Variants in CFAP47 observed in about 807,000 individuals in gnomAD.
CFAP47 encodes cilia and flagella associated protein 47, also known as cilia- and flagella-associated protein 47.
A neutral mutation model predicts 148.1 loss-of-function variants in CFAP47; 29 were observed. That is an observed-to-expected ratio of 0.20 (90% CI 0.15 to 0.27). The LOEUF is 0.27. Ranked by LOEUF, CFAP47 falls within the 10% of genes least tolerant of loss-of-function variation. CFAP47 has a pLI of 1.00. For synonymous variants in CFAP47, 664 were observed against 577.3 expected (o/e 1.15, Z -2.15); for missense variants, 1,872 against 1,697.5 (o/e 1.10, Z -1.81).
rs782484719 is a variant in CFAP47 at position 36,215,714 on chromosome X, C to T, written c.6817+10604C>T. On this transcript the variant is annotated intron_variant, in intron 45 of 63. Transcript: ENST00000378653. ...AATAGTCACAAACCTTTTGGAAGGCCGAAAGGTTACATAGCTTGTAATAAT... is the reference window on the plus strand; with the variant it reads ...AATAGTCACAAACCTTTTGGAAGGCTGAAAGGTTACATAGCTTGTAATAAT... 1.5e-4 allele frequency among the ~76,000 whole-genome samples: 17 copies of T among 111,423 alleles called. No individual in the cohort carries two copies. The East Asian group carries it at 2.9e-3, about 19-fold the overall frequency.
chrX:36,069,288 G>T (rs972858427), intron 27 of CFAP47, among the ~76,000 whole-genome samples: 2 of 111,148 alleles, frequency 1.8e-5, no homozygotes, highest in African/African-American at 3.3e-5. Flanking sequence ...GGAAATTATT[G>T]TTATGAATAA....
At chrX:35,936,936 T>C (rs1304169524) in intron 2 of CFAP47, among the ~76,000 whole-genome samples, 1 of 107,940 alleles carries the variant, frequency 9.3e-6, no homozygotes, top group African/African-American at 3.4e-5. Context: ...TCTGAGCAGA[T>C]AGAAAAATCT....
chrX:36,208,674 A>G (rs983085896), intron 45 of CFAP47, among the ~76,000 whole-genome samples: 1 of 112,046 alleles, frequency 8.9e-6, no homozygotes. Flanking sequence ...AATCCTTAAA[A>G]CATAAAATAG....
At position 36,297,942 on chromosome X, in the gene CFAP47, G is replaced by T. The variant is rs1276756524; in HGVS notation, c.7687-1035G>T. 2.2e-4 allele frequency among the ~76,000 whole-genome samples: 24 copies of T among 110,572 alleles called. 1 individual carries two copies. The Admixed American group carries it at 2.3e-3, about 11-fold the overall frequency. On this transcript the variant is annotated intron_variant, in intron 51 of 63. Transcript: ENST00000378653. Reference sequence around the variant, plus strand: ...GTCGGGGAGAGGTGGATAAAAATCTGTCTTTTACACTGTTGGTGGGACTGT... The same window carrying T: ...GTCGGGGAGAGGTGGATAAAAATCTTTCTTTTACACTGTTGGTGGGACTGT...
At chrX:36,207,042 A>G (rs1025700966) in intron 45 of CFAP47, among the ~76,000 whole-genome samples, 3 of 111,938 alleles carry the variant, frequency 2.7e-5, no homozygotes, top group Non-Finnish European at 5.6e-5. Flanking sequence ...CAAAAATAGG[A>G]TATTATAACT....
intron 26 of CFAP47, among the ~76,000 whole-genome samples, chrX:36,052,397 A>G (rs1346263449): frequency 8.9e-6 from 1 of 112,305 alleles, no homozygotes; most frequent in African/African-American, 3.2e-5. Flanking sequence ...AAACAGGTAC[A>G]ATAAAATTTT....
At chrX:35,983,764 T>G (rs758679708) in intron 15 of CFAP47, among the ~76,000 whole-genome samples, 19 of 111,978 alleles carry the variant, frequency 1.7e-4, no homozygotes, top group Admixed American at 4.7e-4. Flanking sequence ...TGGATCACAT[T>G]TATTGATTTG....
intron 45 of CFAP47, among the ~76,000 whole-genome samples, chrX:36,223,551 A>G (rs1443578521): frequency 1.8e-5 from 2 of 111,495 alleles, no homozygotes; most frequent in Admixed American, 9.6e-5. Flanking sequence ...TGTTCAACTT[A>G]CTATATTACT....
At chrX:36,284,909 G>A (rs1419494527) in intron 50 of CFAP47, among the ~76,000 whole-genome samples, 1 of 111,434 alleles carries the variant, frequency 9.0e-6, no homozygotes, top group African/African-American at 3.3e-5. Flanking sequence ...AAGCTGAACA[G>A]AGAGGAAAAA....
chrX:35,962,728 G>C lies in CFAP47; in HGVS notation c.1411-3837G>C, dbSNP rs1268600542. ...GTGTACCTCTTGTGGGAAATATGTA[G>C]ATTATGTGTTTTTGCCTACTCCACC... On this transcript the variant is annotated intron_variant, in intron 8 of 63. Coordinates refer to ENST00000378653, the MANE Select transcript of CFAP47 (RefSeq NM_001304548.2). Among the ~76,000 whole-genome samples the C allele has an allele frequency of 2.7e-5, 3 of 110,803 alleles. No homozygotes were observed. In the East Asian group the frequency reaches 8.5e-4, roughly 31 times the overall value.
chrX:36,366,994 G>C lies in CFAP47; in HGVS notation c.9052G>C (p.Val3018Leu). The C allele has an allele frequency of 8.7e-7, 1 of 1,149,339 alleles. No individual in the cohort carries two copies. The highest frequency in any genetic ancestry group is 1.2e-6 in the Non-Finnish European group (1 of 862,041). The allele number at this position is 1,149,339 out of a possible 1,213,427, so 94.7% of individuals were successfully genotyped here. Reference protein sequence around the residue: ...RSHITLKIECVTEGIWKFPIM... With the variant: ...RSHITLKIECLTEGIWKFPIM... ...TCACATAACACTGAAAATAGAGTGCGTAACAGAAGGGATCTGGAAGTTTCC... is the reference window on the plus strand; with the variant it reads ...TCACATAACACTGAAAATAGAGTGCCTAACAGAAGGGATCTGGAAGTTTCC... The change falls in exon 62 of 64, where the codon GTA becomes CTA. Residue 3018 changes from valine (V) to leucine (L), a missense_variant. Coordinates refer to ENST00000378653, the MANE Select transcript of CFAP47 (RefSeq NM_001304548.2).
At chrX:36,024,383 C>T (rs1937192583) in intron 22 of CFAP47, among the ~76,000 whole-genome samples, 1 of 111,429 alleles carries the variant, frequency 9.0e-6, no homozygotes, top group Non-Finnish European at 1.9e-5. Context: ...CTCTTTGCAG[C>T]TGTGTGCTCT....
At position 36,138,341 on chromosome X, in the gene CFAP47, T is replaced by G; in HGVS notation, c.5419-7T>G. The G allele has an allele frequency of 9.0e-7, 1 of 1,115,457 alleles. No homozygotes were observed. Among genetic ancestry groups the G allele is most frequent in the Non-Finnish European group, 1.2e-6 (1 of 851,871 alleles). 91.9% of individuals were successfully genotyped at this position (1,115,457 alleles called of 1,213,427 possible). Reference sequence around the variant, plus strand: ...TACCAAAAGGTTTGATTTTTTTTTTTTTACAGATTGAGTCTCATTTTATAA... The same window carrying G: ...TACCAAAAGGTTTGATTTTTTTTTTGTTACAGATTGAGTCTCATTTTATAA... On this transcript the variant is annotated splice_polypyrimidine_tract_variant and splice_region_variant and intron_variant, in intron 34 of 63. Coordinates refer to ENST00000378653, the MANE Select transcript of CFAP47 (RefSeq NM_001304548.2).
At chrX:36,332,183 T>C (rs1332820763) in intron 57 of CFAP47, among the ~76,000 whole-genome samples, 1 of 111,978 alleles carries the variant, frequency 8.9e-6, no homozygotes, top group Non-Finnish European at 1.9e-5. Flanking sequence ...AAGTAAAATT[T>C]CTGGAAATAA....
intron 15 of CFAP47, among the ~76,000 whole-genome samples, chrX:35,980,478 C>T (rs956849028): frequency 4.5e-5 from 5 of 111,554 alleles, no homozygotes; most frequent in Admixed American, 9.6e-5. Context: ...AAAGCTGTTC[C>T]GTAACCTGAC....
intron 33 of CFAP47, among the ~76,000 whole-genome samples, chrX:36,124,899 A>G (rs2146817030): frequency 9.0e-6 from 1 of 111,452 alleles, no homozygotes; most frequent in South Asian, 3.7e-4. Flanking sequence ...AGGAATATTC[A>G]CAATTGAATT....
At position 36,371,986 on chromosome X, in the gene CFAP47, A is replaced by ATATGTATGTGTATATATGTGTGTATC. The variant is rs1569330025; in HGVS notation, c.9185+4865_9185+4890dup. On this transcript the variant is annotated intron_variant, in intron 62 of 63. Coordinates refer to ENST00000378653, the MANE Select transcript of CFAP47 (RefSeq NM_001304548.2). ...CACACATGTGTATATGTGTGTGTATATATGTATGTGTATATATGTGTGTAT... is the reference window on the plus strand; with the variant it reads ...CACACATGTGTATATGTGTGTGTATATATGTATGTGTATATATGTGTGTATCTATGTATGTGTATATATGTGTGTAT... 1.9e-3 allele frequency among the ~76,000 whole-genome samples: 198 copies of ATATGTATGTGTATATATGTGTGTATC among 103,057 alleles called. 1 individual carries two copies. Among genetic ancestry groups the ATATGTATGTGTATATATGTGTGTATC allele is most frequent in the Middle Eastern group, 0.016 (3 of 191 alleles). The allele number at this position is 103,057 out of a possible 115,157, so 89.5% of individuals were successfully genotyped here.
chrX:36,169,435 C>A (rs1351535273), intron 39 of CFAP47, among the ~76,000 whole-genome samples: 1 of 109,928 alleles, frequency 9.1e-6, no homozygotes, highest in Non-Finnish European at 1.9e-5. Context: ...GCATCTGGAG[C>A]TCTGTTAGTT....
chrX:36,323,755 T>C (rs5973645), intron 57 of CFAP47, among the ~76,000 whole-genome samples: 30,721 of 110,708 alleles, frequency 0.28, 4,462 homozygotes, highest in African/African-American at 0.56. Context: ...AGAAATTTTA[T>C]AATTCCTTGT....
Sources: gnomAD v4.1 joint callset for allele counts (sites outside exome capture counted in the v4.1 genomes callset) on GRCh38, gnomAD v4.1.1 for gene constraint, MANE v1.5 for transcripts, NCBI Gene and HGNC (gene_info 2026-07-23, HGNC 2026-07-21) for gene names.